Variants in PPFIBP1 observed in about 807,000 individuals in gnomAD.
PPFIBP1 encodes the protein liprin-beta-1.
PPFIBP1 carries 112 observed loss-of-function variants against 137.8 expected under a neutral mutation model. That is an observed-to-expected ratio of 0.81 (90% CI 0.70 to 0.95). The LOEUF (loss-of-function observed/expected upper bound fraction) is 0.95. PPFIBP1 is among the 40% of genes least tolerant of loss of function. The probability of loss-of-function intolerance (pLI) is 0.00; values close to 1 mark genes in which losing one functional copy is unlikely to be tolerated. For synonymous variants in PPFIBP1, 378 were observed against 417.3 expected (o/e 0.91, Z 1.15); for missense variants, 1,083 against 1,196.6 (o/e 0.91, Z 1.40).
chr12:27,640,053 G>A (rs1407215626), intron 4 of PPFIBP1, among the ~76,000 whole-genome samples: 7 of 152,160 alleles, frequency 4.6e-5, no homozygotes, highest in Admixed American at 2.6e-4. Flanking sequence ...TGAGTTATGC[G>A]GTGCCTCACT....
At chr12:27,616,918 G>A (rs142078604) in intron 2 of PPFIBP1, among the ~76,000 whole-genome samples, 3,409 of 152,272 alleles carry the variant, frequency 0.022, 324 homozygotes, top group Admixed American at 0.17. Context: ...ATGTGACAGG[G>A]AGGGAACTAA....
chr12:27,645,351 G>A (rs1422344813), intron 4 of PPFIBP1, among the ~76,000 whole-genome samples: 1 of 152,156 alleles, frequency 6.6e-6, no homozygotes, highest in Non-Finnish European at 1.5e-5. Context: ...TGCATGTGAG[G>A]CAGCTGAGGA....
chr12:27,688,554 A>G (rs1316404466), intron 26 of PPFIBP1, 131 bp downstream of exon 26: 85 of 1,117,120 alleles, frequency 7.6e-5, no homozygotes, highest in Non-Finnish European at 1.1e-4. Flanking sequence ...TTTCTAGTAA[A>G]CCTTTACTTT....
chr12:27,624,349 G>A (rs529984546), intron 2 of PPFIBP1, among the ~76,000 whole-genome samples: 45 of 152,230 alleles, frequency 3.0e-4, no homozygotes, highest in Non-Finnish European at 5.3e-4. Flanking sequence ...AGTAGATATG[G>A]AGAATTGCAG....
chr12:27,628,272 C>T (rs1384572178), intron 2 of PPFIBP1, among the ~76,000 whole-genome samples: 2 of 152,108 alleles, frequency 1.3e-5, no homozygotes, highest in Non-Finnish European at 2.9e-5. Context: ...CCTTGGGCTC[C>T]TGGGCTCAAG....
At chr12:27,611,972 C>A (rs746249528) in intron 2 of PPFIBP1, among the ~76,000 whole-genome samples, 2 of 152,196 alleles carry the variant, frequency 1.3e-5, no homozygotes, top group African/African-American at 2.4e-5. Flanking sequence ...AAATGTAATT[C>A]GTTGATCTGT....
At chr12:27,594,891 CAG>C (rs1216874027) in intron 2 of PPFIBP1, among the ~76,000 whole-genome samples, 1 of 152,176 alleles carries the variant, frequency 6.6e-6, no homozygotes, top group African/African-American at 2.4e-5. Context: ...TCAGTTGAAA[CAG>C]ATTATTTTAT....
chr12:27,534,760 C>A (rs1158317410), intron 1 of PPFIBP1, among the ~76,000 whole-genome samples: 1 of 152,294 alleles, frequency 6.6e-6, no homozygotes, highest in East Asian at 1.9e-4. Context: ...CCAGGAAATA[C>A]TCTGTAGAAA....
rs536820422 is a variant in PPFIBP1, at chr12:27,629,288, T to A, written c.-35-4074T>A. On this transcript the variant is annotated intron_variant, in intron 2 of 29. Coordinates refer to ENST00000228425, the MANE Select transcript of PPFIBP1 (RefSeq NM_003622.4). ...AAATGGGATTGACATTGGGATTCTT[T>A]ATGCCTGACAAGCTTTAAAGACCAT... Among the ~76,000 whole-genome samples the A allele has an allele frequency of 3.9e-5, 6 of 152,338 alleles. No homozygotes were observed. In the South Asian group the frequency reaches 6.2e-4, roughly 16 times the overall value.
At chr12:27,597,546 C>T (rs2053463007) in intron 2 of PPFIBP1, among the ~76,000 whole-genome samples, 2 of 152,154 alleles carry the variant, frequency 1.3e-5, no homozygotes, top group Non-Finnish European at 2.9e-5. Flanking sequence ...AAGTTGGTGA[C>T]TGCCTTCCAG....
At chr12:27,602,408 C>T (rs1193175749) in intron 2 of PPFIBP1, among the ~76,000 whole-genome samples, 3 of 152,184 alleles carry the variant, frequency 2.0e-5, no homozygotes, top group Non-Finnish European at 4.4e-5. Flanking sequence ...ACACATCTAT[C>T]ACCTCACTGT....
At chr12:27,553,215 T>G (rs1946955601) in intron 1 of PPFIBP1, among the ~76,000 whole-genome samples, 1 of 152,154 alleles carries the variant, frequency 6.6e-6, no homozygotes, top group African/African-American at 2.4e-5. Context: ...GAACTCAAGC[T>G]TACGATGACA....
At chr12:27,691,660 A>G (rs769733216) in intron 27 of PPFIBP1, 89 bp from the exon 28 acceptor site, 3 of 983,336 alleles carry the variant, frequency 3.1e-6, no homozygotes, top group Non-Finnish European at 4.5e-6. Flanking sequence ...GGGAGGGGGC[A>G]ACGCAAAAAA....
At chr12:27,674,616 G>A (rs1023969641) in intron 17 of PPFIBP1, among the ~76,000 whole-genome samples, 10 of 152,052 alleles carry the variant, frequency 6.6e-5, no homozygotes, top group African/African-American at 2.4e-4. Context: ...ACTTCAGTAA[G>A]TTATTAAAAA....
intron 7 of PPFIBP1, among the ~76,000 whole-genome samples, chr12:27,653,091 G>A (rs1349832154): frequency 7.6e-4 from 1 of 1,312 alleles, no homozygotes; most frequent in African/African-American, 8.9e-4. Flanking sequence ...GGGTTTACTG[G>A]GAAGTGTTAT....
intron 1 of PPFIBP1, among the ~76,000 whole-genome samples, chr12:27,531,607 AT>A (rs1469842311): frequency 1.3e-5 from 2 of 152,114 alleles, no homozygotes; most frequent in African/African-American, 2.4e-5. Context: ...CCGGCCAGAA[AT>A]TATTAATAGG....
intron 11 of PPFIBP1, among the ~76,000 whole-genome samples, chr12:27,663,384 C>G (rs2059666111): frequency 6.6e-6 from 1 of 152,156 alleles, no homozygotes; most frequent in Admixed American, 6.5e-5. Context: ...CCTGGAAGCT[C>G]TAGCATTTTA....
At position 27,645,270 on chromosome 12, in the gene PPFIBP1, C is replaced by T. The variant is rs538668131; in HGVS notation, c.271-792C>T. On this transcript the variant is annotated intron_variant, in intron 4 of 29. Coordinates refer to ENST00000228425, the MANE Select transcript of PPFIBP1 (RefSeq NM_003622.4). ...ATGAGAGACACCACTTATGCTACTA[C>T]GTACGTTTCAAAGTGGTGCTTTTAG... Among the ~76,000 whole-genome samples, 12 of 152,322 alleles carry T rather than the reference C, an allele frequency of 7.9e-5. No individual in the cohort carries two copies. In the South Asian group the frequency reaches 1.0e-3, roughly 13 times the overall value.
At chr12:27,610,533 A>C (rs879186797) in intron 2 of PPFIBP1, among the ~76,000 whole-genome samples, 1 of 152,216 alleles carries the variant, frequency 6.6e-6, no homozygotes, top group Non-Finnish European at 1.5e-5. Flanking sequence ...TTTTCATCTG[A>C]CATGTTTGCT....
Sources: allele counts gnomAD v4.1 joint callset (sites outside exome capture counted in the v4.1 genomes callset), GRCh38; gene constraint gnomAD v4.1.1; transcripts MANE v1.5; gene names NCBI Gene and HGNC (gene_info 2026-07-23, HGNC 2026-07-21).